Variants in BCAT1 observed in about 807,000 individuals in gnomAD.
BCAT1 encodes branched-chain-amino-acid aminotransferase, cytosolic.
BCAT1 carries 48 observed loss-of-function variants against 52.4 expected under a neutral mutation model. That is an observed-to-expected ratio of 0.92 (90% CI 0.73 to 1.16). The LOEUF (loss-of-function observed/expected upper bound fraction) is 1.16, where lower values mean the gene tolerates loss of function less well. Ranked by LOEUF, BCAT1 falls within the 50% of genes most tolerant of loss-of-function variation. The pLI, the probability that BCAT1 is intolerant of heterozygous loss-of-function variation, is 0.00. For synonymous variants in BCAT1, 167 were observed against 161.3 expected, an observed-to-expected ratio of 1.04 and a Z score of -0.27; for missense variants, 451 against 457.1, an observed-to-expected ratio of 0.99 and a Z score of 0.12.
chr12:24,912,987 A>G (rs893616759), intron 1 of BCAT1, among the ~76,000 whole-genome samples: 2 of 152,196 alleles, frequency 1.3e-5, no homozygotes, highest in African/African-American at 4.8e-5. Flanking sequence ...TATAAGGGAA[A>G]CTGTCCATTT....
intron 6 of BCAT1, among the ~76,000 whole-genome samples, chr12:24,846,344 T>G (rs573024008): frequency 6.6e-6 from 1 of 152,220 alleles, no homozygotes; most frequent in Non-Finnish European, 1.5e-5. Flanking sequence ...ATTATTAATG[T>G]CCACAGGATA....
rs1318047163 is a variant in BCAT1 at position 24,849,922 on chromosome 12, T to C, written c.538A>G (p.Lys180Glu). ...CTCAAGAGTACAAAGAGCAGGGCTT[T>C]GGTAGGCTTCTTGACTCCAAGAGAA... ...EPSLGVKKPT[K>E]ALLFVLLSPV... Residue 180 changes from lysine (K) to glutamate (E), a missense_variant, in exon 6 of 11, where the codon AAA becomes GAA. Physicochemically the swap from Lys to Glu is moderately conservative, Grantham distance 56. Transcript: ENST00000261192. 6.8e-6 allele frequency: 11 copies of C among 1,611,566 alleles called. No individual in the cohort carries two copies. The highest frequency in any genetic ancestry group is 8.5e-7 in the Non-Finnish European group (1 of 1,178,446).
chr12:24,903,125 G>A lies in BCAT1; in HGVS notation c.7-1240C>T, dbSNP rs1470945813. 24 of 1,320,846 alleles carry A rather than the reference G, an allele frequency of 1.8e-5. No individual in the cohort carries two copies. In the East Asian group the frequency reaches 7.3e-4, roughly 40 times the overall value. The allele number at this position is 1,320,846 out of a possible 1,614,324, so 81.8% of individuals were successfully genotyped here. A position where few individuals can be genotyped will look rare whatever the true frequency, so the allele number is the denominator to read the frequency against. ...TGGGTACCACGACCTGGGGCCGCGC[G>A]CCAGGGCCAGGCGCAGGGTACGACG... On this transcript the variant is annotated intron_variant, in intron 1 of 10. Transcript: ENST00000261192.
intron 8 of BCAT1, 126 bp downstream of exon 8, chr12:24,836,385 G>T (rs750708455): frequency 5.0e-6 from 4 of 801,162 alleles, no homozygotes; most frequent in East Asian, 2.7e-5. Flanking sequence ...TTTCATTCAC[G>T]TTAGAATTTA....
intron 1 of BCAT1, among the ~76,000 whole-genome samples, chr12:24,912,726 G>A (rs1397211045): frequency 4.0e-5 from 6 of 151,440 alleles, no homozygotes; most frequent in Non-Finnish European, 5.9e-5. Flanking sequence ...AATGGAGAAC[G>A]TGGGTATTTG....
chr12:24,825,835 C>T (rs1254032772), intron 10 of BCAT1, among the ~76,000 whole-genome samples: 1 of 152,078 alleles, frequency 6.6e-6, no homozygotes, highest in Non-Finnish European at 1.5e-5. Flanking sequence ...GTTTTCTTTG[C>T]TGTGGAGAAG....
At chr12:24,876,829 G>C (rs992147107) in intron 5 of BCAT1, among the ~76,000 whole-genome samples, 1 of 152,138 alleles carries the variant, frequency 6.6e-6, no homozygotes, top group African/African-American at 2.4e-5. Context: ...AAGAGCATCA[G>C]GAAGAATAGC....
At chr12:24,917,175 T>A (rs1565498098) in intron 1 of BCAT1, among the ~76,000 whole-genome samples, 1 of 151,560 alleles carries the variant, frequency 6.6e-6, no homozygotes, top group Non-Finnish European at 1.5e-5. Flanking sequence ...AATGCATCAG[T>A]TTTTCATTAG....
chr12:24,878,602 T>C lies in BCAT1; in HGVS notation c.438A>G (p.Lys146=), dbSNP rs746211367. 1 of 1,609,638 alleles carries C rather than the reference T, an allele frequency of 6.2e-7. No homozygotes were observed. Among genetic ancestry groups the C allele is most frequent in the Non-Finnish European group, 8.5e-7 (1 of 1,176,298 alleles). The change falls in exon 5 of 11, where the codon AAA becomes AAG. Residue 146 remains lysine (K), a synonymous_variant. Coordinates refer to ENST00000261192, the MANE Select transcript of BCAT1 (RefSeq NM_005504.7). ...ELLECIQQLV[K]LDQEWVPYST... ...AATATGGGACCCATTCTTGATCCAATTTCACAAGCTGTTGAATACACTCTA... is the reference window on the plus strand; with the variant it reads ...AATATGGGACCCATTCTTGATCCAACTTCACAAGCTGTTGAATACACTCTA...
chr12:24,849,460 TC>T (rs1298524519), intron 6 of BCAT1, among the ~76,000 whole-genome samples: 1 of 152,224 alleles, frequency 6.6e-6, no homozygotes, highest in African/African-American at 2.4e-5. Flanking sequence ...GGGAAGTTTA[TC>T]CAAAGCACCG....
intron 7 of BCAT1, among the ~76,000 whole-genome samples, chr12:24,836,823 A>AAGGAAGGAAGAAAG (rs1555102766): frequency 8.7e-6 from 1 of 114,364 alleles, no homozygotes; most frequent in Non-Finnish European, 1.8e-5. Flanking sequence ...GGAAGGAAAG[A>AAGGAAGGAAGAAAG]AGGAAGGAAG....
At chr12:24,883,996 G>A (rs1029238519) in intron 3 of BCAT1, among the ~76,000 whole-genome samples, 4 of 152,124 alleles carry the variant, frequency 2.6e-5, no homozygotes, top group African/African-American at 9.7e-5. Flanking sequence ...CATAGCCTGG[G>A]GTTTGGGGAC....
intron 1 of BCAT1, among the ~76,000 whole-genome samples, chr12:24,936,563 G>C (rs978965792): frequency 6.6e-6 from 1 of 152,172 alleles, no homozygotes; most frequent in Non-Finnish European, 1.5e-5. Context: ...GGTTCTGGAA[G>C]TTCCAAATCA....
intron 1 of BCAT1, chr12:24,902,289 GTCAA>G: frequency 7.6e-7 from 1 of 1,309,996 alleles, no homozygotes; most frequent in South Asian, 2.1e-5. Flanking sequence ...TCGTGGTCTT[GTCAA>G]TCACAGACGC....
At chr12:24,832,402 AAAC>A (rs1010591780) in intron 9 of BCAT1, among the ~76,000 whole-genome samples, 2 of 152,182 alleles carry the variant, frequency 1.3e-5, no homozygotes, top group Non-Finnish European at 2.9e-5. Context: ...TAAAAAACAA[AAAC>A]AACAACAAAA....
intron 5 of BCAT1, among the ~76,000 whole-genome samples, chr12:24,875,847 T>C (rs949294810): frequency 2.6e-5 from 4 of 152,202 alleles, no homozygotes; most frequent in Non-Finnish European, 4.4e-5. Context: ...AATCATGGAA[T>C]TAGATACATA....
chr12:24,891,501 C>T (rs946687149), intron 3 of BCAT1, among the ~76,000 whole-genome samples: 12 of 152,074 alleles, frequency 7.9e-5, no homozygotes, highest in African/African-American at 2.7e-4. Context: ...TTTAAAATGA[C>T]GCTTGTAATT....
intron 5 of BCAT1, among the ~76,000 whole-genome samples, chr12:24,878,227 T>C (rs1942400021): frequency 1.3e-5 from 2 of 152,082 alleles, no homozygotes; most frequent in Non-Finnish European, 2.9e-5. Context: ...TATTTCTTAA[T>C]AAACGTCTTA....
At chr12:24,826,403 G>A (rs751599524) in intron 10 of BCAT1, among the ~76,000 whole-genome samples, 6 of 152,070 alleles carry the variant, frequency 3.9e-5, no homozygotes, top group Non-Finnish European at 7.3e-5. Flanking sequence ...TGTCTTCCCC[G>A]TTACAGTTCT....
Sources: allele counts gnomAD v4.1 joint callset (sites outside exome capture counted in the v4.1 genomes callset), GRCh38; gene constraint gnomAD v4.1.1; transcripts MANE v1.5; gene names NCBI Gene and HGNC (gene_info 2026-07-23, HGNC 2026-07-21).